The following VIPR2 variants were observed in gnomAD, a reference collection of about 807,000 sequenced individuals.
VIPR2 encodes vasoactive intestinal peptide receptor 2, also known as vasoactive intestinal polypeptide receptor 2.
Under a neutral mutation model 58.0 loss-of-function variants are expected in VIPR2, and 48 were observed. The ratio of observed to expected loss-of-function variants is 0.83; its 90% CI spans 0.66 to 1.05. The LOEUF is 1.05. Among genes scored for constraint, VIPR2 ranks in the 50% least tolerant of loss-of-function variants. VIPR2 has a pLI of 0.00. For synonymous variants in VIPR2, 243 were observed against 235.2 expected (o/e 1.03, Z -0.30); for missense variants, 534 against 558.0 (o/e 0.96, Z 0.43).
chr7:159,058,966 A>G (rs1855481075), intron 4 of VIPR2, among the ~76,000 whole-genome samples: 2 of 152,370 alleles, frequency 1.3e-5, no homozygotes, highest in East Asian at 1.9e-4. Context: ...TCAGGTGGAC[A>G]CACAGGTCTG....
chr7:159,078,093 T>TA (rs1272507933), intron 4 of VIPR2, among the ~76,000 whole-genome samples: 5 of 152,202 alleles, frequency 3.3e-5, no homozygotes, highest in Non-Finnish European at 7.3e-5. Flanking sequence ...GTGGGCCACT[T>TA]AGAGAGCTCA....
At chr7:159,108,247 C>CA (rs1795847896) in intron 3 of VIPR2, among the ~76,000 whole-genome samples, 1 of 152,240 alleles carries the variant, frequency 6.6e-6, no homozygotes, top group Non-Finnish European at 1.5e-5. Context: ...CAGCCCTGCT[C>CA]GGCCCCCAGT....
intron 8 of VIPR2, 115 bp from the exon 9 acceptor site, chr7:159,034,765 A>G (rs1313410760): frequency 1.1e-5 from 9 of 787,508 alleles, no homozygotes; most frequent in Non-Finnish European, 2.0e-5. Flanking sequence ...TGGAAGCACA[A>G]TTTCTCTGCA....
Position 159,103,769 on chromosome 7 carries a change from C to A in VIPR2, c.345G>T (p.Glu115Asp). ...CGCAGGAGCCTACCTTGCTCTCATC[C>A]TCCGGGTCGCTGTAGCCACAGGCAT... ...FVDACGYSDP[E>D]DESKITFYIL... The change falls in exon 4 of 13, where the codon GAG becomes GAT. Residue 115 changes from glutamate (E) to aspartate (D), a missense_variant. Transcript: ENST00000262178. 1 of 1,614,120 alleles carries A rather than the reference C, an allele frequency of 6.2e-7. No homozygotes were observed. The highest frequency in any genetic ancestry group is 8.5e-7 in the Non-Finnish European group (1 of 1,179,982).
At position 159,031,747 on chromosome 7, in the gene VIPR2, G is replaced by T. The variant is rs1853598117; in HGVS notation, c.1143+81C>A. Reference sequence around the variant, plus strand: ...AGCCCGCGGAAGACAGGCATGTGTGGGGGCTGCGGCACCAGGCTGGGCAGC... The same window carrying T: ...AGCCCGCGGAAGACAGGCATGTGTGTGGGCTGCGGCACCAGGCTGGGCAGC... On this transcript the variant is annotated intron_variant, in intron 12 of 12. Coordinates refer to ENST00000262178, the MANE Select transcript of VIPR2 (RefSeq NM_003382.5). This position sits in a 1 kb window ranked among gnomAD's most constrained non-coding sequence, Gnocchi z 4.0. The T allele has an allele frequency of 6.2e-7, 1 of 1,609,048 alleles. No individual in the cohort carries two copies. Among genetic ancestry groups the T allele is most frequent in the African/African-American group, 1.3e-5 (1 of 74,884 alleles).
chr7:159,035,621 G>C (rs981591463), intron 8 of VIPR2: 2 of 934,874 alleles, frequency 2.1e-6, no homozygotes, highest in South Asian at 4.9e-5. Context: ...ACTTTGCTCC[G>C]GGTAAACAAC....
intron 4 of VIPR2, among the ~76,000 whole-genome samples, chr7:159,081,898 A>T (rs1447409926): frequency 6.6e-6 from 1 of 152,228 alleles, no homozygotes; most frequent in Non-Finnish European, 1.5e-5. Flanking sequence ...AGAAATGCAA[A>T]TCAAAACCGC....
chr7:159,063,304 C>T (rs567471021), intron 4 of VIPR2, among the ~76,000 whole-genome samples: 1 of 152,100 alleles, frequency 6.6e-6, no homozygotes, highest in Non-Finnish European at 1.5e-5. Context: ...GCTGAGGCCC[C>T]GCGAGAATTC....
At chr7:159,067,216 C>T (rs1238832290) in intron 4 of VIPR2, among the ~76,000 whole-genome samples, 4 of 152,216 alleles carry the variant, frequency 2.6e-5, no homozygotes, top group South Asian at 2.1e-4. Flanking sequence ...CGAGCACCTT[C>T]CCTCTGTTAA....
At chr7:159,062,994 C>T (rs1470026174) in intron 4 of VIPR2, among the ~76,000 whole-genome samples, 1 of 152,226 alleles carries the variant, frequency 6.6e-6, no homozygotes, top group Non-Finnish European at 1.5e-5. Context: ...GAGCTAGACA[C>T]AGGGTGTTGA....
At chr7:159,131,359 C>T (rs1796907928) in intron 2 of VIPR2, among the ~76,000 whole-genome samples, 1 of 152,206 alleles carries the variant, frequency 6.6e-6, no homozygotes, top group African/African-American at 2.4e-5. Context: ...CAATTACAAG[C>T]TTGTCTTCCC....
chr7:159,037,189 G>A (rs1030848758), intron 6 of VIPR2, among the ~76,000 whole-genome samples: 2 of 152,220 alleles, frequency 1.3e-5, no homozygotes, highest in African/African-American at 4.8e-5. Context: ...GAGGGTCCTA[G>A]ACAGGCCGCA....
At chr7:159,116,184 G>A (rs944576981) in intron 2 of VIPR2, among the ~76,000 whole-genome samples, 2 of 152,222 alleles carry the variant, frequency 1.3e-5, no homozygotes, top group Non-Finnish European at 2.9e-5. Context: ...CCTGCTGAAT[G>A]TAGGAAAGGA....
At chr7:159,062,003 A>G (rs888271694) in intron 4 of VIPR2, among the ~76,000 whole-genome samples, 2 of 152,316 alleles carry the variant, frequency 1.3e-5, no homozygotes, top group Middle Eastern at 3.4e-3. Context: ...CCCCGTCCTG[A>G]GAAGCCTGGT....
intron 4 of VIPR2, among the ~76,000 whole-genome samples, chr7:159,101,920 C>CCCCG (rs1858289458): frequency 6.8e-6 from 1 of 147,924 alleles, no homozygotes; most frequent in East Asian, 2.0e-4. Context: ...GAGGCGGTTC[C>CCCCG]AACTGTTCCT....
chr7:159,050,397 G>A (rs56236179), intron 5 of VIPR2, among the ~76,000 whole-genome samples: 16,146 of 149,716 alleles, frequency 0.11, 1,011 homozygotes, highest in East Asian at 0.18. Flanking sequence ...AGACAATAGC[G>A]ATTCAGATGC....
At chr7:159,135,812 A>C (rs1444225291) in intron 2 of VIPR2, among the ~76,000 whole-genome samples, 1 of 152,164 alleles carries the variant, frequency 6.6e-6, no homozygotes, top group African/African-American at 2.4e-5. Flanking sequence ...GACAGAGTGA[A>C]ACTCCATCTC....
chr7:159,057,349 C>T (rs1855383862), intron 5 of VIPR2, among the ~76,000 whole-genome samples: 1 of 152,112 alleles, frequency 6.6e-6, no homozygotes, highest in African/African-American at 2.4e-5. Flanking sequence ...GATAGGCCTT[C>T]CTCACTTTTC....
At chr7:159,124,455 T>C (rs1447789799) in intron 2 of VIPR2, among the ~76,000 whole-genome samples, 2 of 152,202 alleles carry the variant, frequency 1.3e-5, no homozygotes, top group Non-Finnish European at 2.9e-5. Flanking sequence ...CAGATGATAA[T>C]AGGTGTGCAG....
Sources: gnomAD v4.1 joint callset for allele counts (sites outside exome capture counted in the v4.1 genomes callset) on GRCh38, gnomAD v4.1.1 for gene constraint, Gnocchi (gnomAD v3.1) non-coding constraint, MANE v1.5 for transcripts, NCBI Gene and HGNC (gene_info 2026-07-23, HGNC 2026-07-21) for gene names.